The following PTPRN2 variants were observed in gnomAD, a reference collection of about 807,000 sequenced individuals.
The protein encoded by PTPRN2 is receptor-type tyrosine-protein phosphatase N2.
In PTPRN2, 74 loss-of-function variants were observed where a neutral mutation model predicts 118.8. The ratio of observed to expected loss-of-function variants is 0.62; its 90% CI spans 0.52 to 0.76. PTPRN2 has a LOEUF of 0.76. Ranked by LOEUF, PTPRN2 falls within the 30% of genes least tolerant of loss-of-function variation. The pLI is 0.00. For missense variants in PTPRN2, 1,481 were observed against 1,394.4 expected, an observed-to-expected ratio of 1.06 and a Z score of -0.99; for synonymous variants, 641 against 608.0, an observed-to-expected ratio of 1.05 and a Z score of -0.80.
rs576575770 is a variant in PTPRN2, at chr7:158,178,751, C to T, written c.550-11460G>A. On this transcript the variant is annotated intron_variant, in intron 5 of 22. Transcript: ENST00000389418. ...TAGCTGGGACTACAGGCACCCGCCA[C>T]CACGCCTGGCTAATTTTTTGTATTT... Among the ~76,000 whole-genome samples, 5 of 152,088 alleles carry T rather than the reference C, an allele frequency of 3.3e-5. No individual in the cohort carries two copies. In the East Asian group the frequency reaches 9.7e-4, roughly 29 times the overall value.
intron 2 of PTPRN2, among the ~76,000 whole-genome samples, chr7:158,343,878 G>T (rs1173547061): frequency 6.6e-6 from 1 of 151,220 alleles, no homozygotes; most frequent in South Asian, 2.1e-4. Flanking sequence ...TCGAGCTCAG[G>T]TAAAGGCTTC....
chr7:158,283,482 G>A (rs755041454), intron 3 of PTPRN2, among the ~76,000 whole-genome samples: 10 of 152,172 alleles, frequency 6.6e-5, no homozygotes, highest in Admixed American at 2.0e-4. Flanking sequence ...GGGGCTTGCC[G>A]CAGGGACGGG....
chr7:158,263,572 G>A (rs1235561588), intron 3 of PTPRN2, among the ~76,000 whole-genome samples: 3 of 151,792 alleles, frequency 2.0e-5, no homozygotes, highest in African/African-American at 7.3e-5. Flanking sequence ...ACCGTTGTTT[G>A]TGTATTTCCC....
chr7:158,079,936 G>T (rs189680921), intron 11 of PTPRN2, among the ~76,000 whole-genome samples: 1 of 152,190 alleles, frequency 6.6e-6, no homozygotes, highest in Non-Finnish European at 1.5e-5. Flanking sequence ...AACAAAGTGA[G>T]ACTGGGGACT....
At chr7:157,556,328 C>A (rs1320039354) in intron 21 of PTPRN2, among the ~76,000 whole-genome samples, 12 of 145,642 alleles carry the variant, frequency 8.2e-5, no homozygotes, top group African/African-American at 2.6e-4. Flanking sequence ...CACACCCACA[C>A]TCACACTCAC....
intron 6 of PTPRN2, among the ~76,000 whole-genome samples, chr7:158,145,520 G>C (rs1199819124): frequency 6.6e-6 from 1 of 152,212 alleles, no homozygotes; most frequent in Non-Finnish European, 1.5e-5. Context: ...AGAAACTGAG[G>C]CTCCATGGTG....
chr7:157,766,849 C>CCCTCTA (rs1802516860), intron 12 of PTPRN2, among the ~76,000 whole-genome samples: 3 of 152,330 alleles, frequency 2.0e-5, no homozygotes, highest in Admixed American at 2.0e-4. Flanking sequence ...GGGGCCTTCA[C>CCCTCTA]CCTCTACTTG....
At chr7:158,021,456 G>A (rs1362321919) in intron 11 of PTPRN2, among the ~76,000 whole-genome samples, 2 of 152,142 alleles carry the variant, frequency 1.3e-5, no homozygotes, top group African/African-American at 2.4e-5. Flanking sequence ...ATACATAAAT[G>A]TGTGTGTATG....
In PTPRN2 at chr7:158,539,049, C is replaced by T. The variant is rs533266284; in HGVS notation, c.112+48509G>A. ...AGCGCTCTGGAGGGAACGACAACTG[C>T]AGATTCCAAGGTGTTTCAGGGAAAA... On this transcript the variant is annotated intron_variant, in intron 1 of 22. Transcript: ENST00000389418. Among the ~76,000 whole-genome samples the T allele has an allele frequency of 4.6e-5, 7 of 152,260 alleles. No individual in the cohort carries two copies. The East Asian group carries it at 1.4e-3, about 29-fold the overall frequency.
chr7:157,547,589 C>T lies in PTPRN2; in HGVS notation c.2976+1357G>A, dbSNP rs185675934. On this transcript the variant is annotated intron_variant, in intron 22 of 22. Transcript: ENST00000389418. ...CTCTCGACAGCCTCGCAACACATGC[C>T]GAATGCTGTTGTGAACAAGCAGAAG... is the stretch of plus-strand genomic sequence containing the variant. 6.1e-4 allele frequency among the ~76,000 whole-genome samples: 93 copies of T among 152,094 alleles called. No individual in the cohort carries two copies. The East Asian group carries it at 0.012, about 20-fold the overall frequency.
chr7:158,061,498 A>G (rs1277417355), intron 11 of PTPRN2, among the ~76,000 whole-genome samples: 1 of 144,916 alleles, frequency 6.9e-6, no homozygotes, highest in African/African-American at 2.8e-5. Flanking sequence ...TCGGCGCTGA[A>G]CCATCATTGA....
At chr7:158,289,550 A>G (rs1278813461) in intron 3 of PTPRN2, among the ~76,000 whole-genome samples, 1 of 152,154 alleles carries the variant, frequency 6.6e-6, no homozygotes, top group African/African-American at 2.4e-5. Context: ...AATTGCAGTC[A>G]TTTACTGTTT....
chr7:158,385,027 T>C (rs1811229613), intron 2 of PTPRN2, among the ~76,000 whole-genome samples: 1 of 152,224 alleles, frequency 6.6e-6, no homozygotes, highest in African/African-American at 2.4e-5. Flanking sequence ...TTTGCTGGTG[T>C]GACTTCCATT....
chr7:157,960,556 A>G (rs142317373), intron 11 of PTPRN2, among the ~76,000 whole-genome samples: 86 of 152,374 alleles, frequency 5.6e-4, no homozygotes, highest in African/African-American at 1.9e-3. Context: ...TGCAGTAAAC[A>G]TTAGATATAG....
At chr7:157,575,105 G>A (rs141022306) in intron 19 of PTPRN2, among the ~76,000 whole-genome samples, 28 of 152,198 alleles carry the variant, frequency 1.8e-4, no homozygotes, top group African/African-American at 5.3e-4. Flanking sequence ...ACATGTTCCC[G>A]TCCATATATG....
chr7:158,460,507 T>G (rs527319688), intron 2 of PTPRN2, among the ~76,000 whole-genome samples: 91 of 151,302 alleles, frequency 6.0e-4, no homozygotes, highest in Non-Finnish European at 1.0e-3. Context: ...AGAATGGGAC[T>G]CTATCTACAT....
chr7:157,582,922 C>T (rs571766249), intron 17 of PTPRN2, among the ~76,000 whole-genome samples: 43 of 151,770 alleles, frequency 2.8e-4, no homozygotes, highest in African/African-American at 9.2e-4. Flanking sequence ...GTATGGAGAG[C>T]CTCAAACAAT....
intron 15 of PTPRN2, among the ~76,000 whole-genome samples, chr7:157,605,248 G>T (rs1294931766): frequency 1.3e-5 from 2 of 152,234 alleles, no homozygotes; most frequent in Non-Finnish European, 1.5e-5. Context: ...GCAGCTCCAG[G>T]TGCCAGCATG....
intron 12 of PTPRN2, among the ~76,000 whole-genome samples, chr7:157,842,179 C>T (rs572886827): frequency 1.5e-4 from 23 of 152,216 alleles, no homozygotes; most frequent in African/African-American, 3.4e-4. Flanking sequence ...CCCCTTTGTG[C>T]GTGGGGCTGT....
Sources: allele counts gnomAD v4.1 joint callset (sites outside exome capture counted in the v4.1 genomes callset), GRCh38; gene constraint gnomAD v4.1.1; transcripts MANE v1.5; gene names NCBI Gene and HGNC (gene_info 2026-07-23, HGNC 2026-07-21).